KIF14: variants seen among roughly 807,000 people sequenced by gnomAD.
KIF14 encodes kinesin family member 14.
KIF14 carries 98 observed loss-of-function variants against 176.2 expected under a neutral mutation model. The observed-to-expected ratio is 0.56, with a 90% CI of 0.47 to 0.66. The LOEUF (loss-of-function observed/expected upper bound fraction) is 0.66, where lower values mean the gene tolerates loss of function less well. Among genes scored for constraint, KIF14 ranks in the 30% least tolerant of loss-of-function variants. KIF14 has a pLI of 0.00. For synonymous variants in KIF14, 566 were observed against 632.2 expected, an observed-to-expected ratio of 0.90 and a Z score of 1.57; for missense variants, 1,751 against 1,920.4, an observed-to-expected ratio of 0.91 and a Z score of 1.65.
chr1:200,619,398 G>T (rs1295286830), intron 1 of KIF14, among the ~76,000 whole-genome samples: 1 of 151,774 alleles, frequency 6.6e-6, no homozygotes, highest in African/African-American at 2.4e-5. Flanking sequence ...CTGTCACCAG[G>T]CTGGAGTGCA....
chr1:200,584,996 T>C (rs1658658428), intron 19 of KIF14, among the ~76,000 whole-genome samples: 1 of 152,092 alleles, frequency 6.6e-6, no homozygotes. Flanking sequence ...GAAAGATAAA[T>C]ACTATATGAT....
At chr1:200,616,472 A>G (rs772343630) in intron 2 of KIF14, among the ~76,000 whole-genome samples, 2 of 152,106 alleles carry the variant, frequency 1.3e-5, no homozygotes, top group Non-Finnish European at 2.9e-5. Flanking sequence ...TAGACATTCC[A>G]ATTCTCTCAA....
chr1:200,609,314 C>T (rs1043608779), intron 4 of KIF14, among the ~76,000 whole-genome samples: 2 of 152,020 alleles, frequency 1.3e-5, no homozygotes, highest in African/African-American at 4.8e-5. Flanking sequence ...AATGGTGCGG[C>T]CAATGTGGAA....
chr1:200,607,763 G>A (rs1659953099), intron 5 of KIF14, among the ~76,000 whole-genome samples: 1 of 151,990 alleles, frequency 6.6e-6, no homozygotes, highest in Non-Finnish European at 1.5e-5. Context: ...GTGCGGTGGT[G>A]AAATCTCGGC....
In KIF14 at chr1:200,615,593, C is replaced by A; in HGVS notation, c.1129G>T (p.Ala377Ser). 1 of 1,608,348 alleles carries A rather than the reference C, an allele frequency of 6.2e-7. No homozygotes were observed. Among genetic ancestry groups the A allele is most frequent in the Non-Finnish European group, 8.5e-7 (1 of 1,177,852 alleles). The change falls in exon 3 of 30, where the codon GCA becomes TCA. Residue 377 changes from alanine (A) to serine (S), a missense_variant. By Grantham distance (99) the Ala-to-Ser change is moderately conservative (BLOSUM62 1). Transcript: ENST00000367350. Reference sequence around the variant, plus strand: ...CCACTCATGAAGACTACCTGGGATGCTTTTTCAATCTTCTCTCTTGAAAGA... The same window carrying A: ...CCACTCATGAAGACTACCTGGGATGATTTTTCAATCTTCTCTCTTGAAAGA... The part of the protein sequence containing the change: ...PFTKREKIEK[A>S]SQVVFMSGKE...
At chr1:200,611,585 G>A (rs958020391) in intron 4 of KIF14, among the ~76,000 whole-genome samples, 2 of 152,120 alleles carry the variant, frequency 1.3e-5, no homozygotes, top group African/African-American at 4.8e-5. Context: ...GGCTCCAGGA[G>A]GACTTAGAAA....
At chr1:200,604,909 T>C (rs899975652) in intron 8 of KIF14, among the ~76,000 whole-genome samples, 5 of 152,128 alleles carry the variant, frequency 3.3e-5, no homozygotes, top group African/African-American at 9.7e-5. Context: ...CTATCATATA[T>C]TGATATGATC....
chr1:200,587,751 G>C (rs1418563783), intron 18 of KIF14, among the ~76,000 whole-genome samples: 1 of 152,182 alleles, frequency 6.6e-6, no homozygotes, highest in Non-Finnish European at 1.5e-5. Context: ...GGAGGTTGCA[G>C]TGAGCCCAGA....
intron 9 of KIF14, among the ~76,000 whole-genome samples, chr1:200,603,594 C>T (rs1003696387): frequency 6.6e-6 from 1 of 152,064 alleles, no homozygotes; most frequent in Non-Finnish European, 1.5e-5. Flanking sequence ...AGACACATGC[C>T]ACAATGCCTG....
intron 23 of KIF14, among the ~76,000 whole-genome samples, chr1:200,566,704 G>A (rs1467081110): frequency 6.6e-6 from 1 of 151,914 alleles, no homozygotes; most frequent in Non-Finnish European, 1.5e-5. Flanking sequence ...CTGGGCTCAA[G>A]CAATCCCTTG....
At chr1:200,586,366 T>C in intron 18 of KIF14, 139 bp from the exon 19 acceptor site, 1 of 594,348 alleles carries the variant, frequency 1.7e-6, no homozygotes. Flanking sequence ...CATAACATTG[T>C]ATAACTTAAA....
At chr1:200,591,010 G>A (rs182370074) in intron 16 of KIF14, among the ~76,000 whole-genome samples, 8 of 151,310 alleles carry the variant, frequency 5.3e-5, no homozygotes, top group Admixed American at 4.0e-4. Flanking sequence ...CTAGACGACA[G>A]AGCCAGACTC....
intron 25 of KIF14, among the ~76,000 whole-genome samples, chr1:200,561,239 A>AAAAG (rs758998466): frequency 6.1e-4 from 88 of 145,350 alleles, no homozygotes; most frequent in Non-Finnish European, 1.0e-3. Context: ...TAAAAAAAAA[A>AAAAG]AAAAAGAAAA....
intron 19 of KIF14, among the ~76,000 whole-genome samples, chr1:200,584,468 G>A (rs370592747): frequency 5.1e-4 from 78 of 152,200 alleles, no homozygotes; most frequent in African/African-American, 1.8e-3. Flanking sequence ...CAAAATACTA[G>A]CAAACCAAAT....
intron 5 of KIF14, among the ~76,000 whole-genome samples, chr1:200,607,793 C>G (rs762121999): frequency 6.6e-5 from 10 of 151,998 alleles, no homozygotes; most frequent in African/African-American, 1.7e-4. Flanking sequence ...CCTCTGCCCC[C>G]GGGTTCAAGC....
intron 5 of KIF14, 134 bp from the exon 6 acceptor site, chr1:200,606,932 C>A: frequency 5.4e-6 from 4 of 747,180 alleles, no homozygotes; most frequent in South Asian, 1.7e-5. Flanking sequence ...AAAAAAACCA[C>A]AAAAACTCTC....
chr1:200,618,953 C>A (rs781642297), intron 1 of KIF14, 115 bp from the exon 2 acceptor site: 1 of 407,990 alleles, frequency 2.5e-6, no homozygotes, highest in Non-Finnish European at 4.4e-6. Flanking sequence ...CAATAGATCA[C>A]AATCTGCAGC....
At chr1:200,599,412 C>CT (rs2102721480) in intron 13 of KIF14, among the ~76,000 whole-genome samples, 1 of 152,264 alleles carries the variant, frequency 6.6e-6, no homozygotes, top group African/African-American at 2.4e-5. Context: ...TGTGCTCTTC[C>CT]TTTTCTCTTC....
At chr1:200,589,082 A>G (rs1236292545) in intron 18 of KIF14, 135 bp downstream of exon 18, 1 of 642,932 alleles carries the variant, frequency 1.6e-6, no homozygotes, top group Non-Finnish European at 2.7e-6. Flanking sequence ...TTCAGGCAAG[A>G]AGTACTTTTC....
Sources: allele counts gnomAD v4.1 joint callset (sites outside exome capture counted in the v4.1 genomes callset), GRCh38; gene constraint gnomAD v4.1.1; transcripts MANE v1.5; gene names NCBI Gene and HGNC (gene_info 2026-07-23, HGNC 2026-07-21).